The following LYSMD2 variants were observed in gnomAD, a reference collection of about 807,000 sequenced individuals.
LYSMD2 encodes lysM and putative peptidoglycan-binding domain-containing protein 2.
A neutral mutation model predicts 17.7 loss-of-function variants in LYSMD2; 6 were observed. The observed-to-expected ratio is 0.34, with a 90% CI of 0.19 to 0.67. LYSMD2 has a LOEUF of 0.67. Among genes scored for constraint, LYSMD2 ranks in the 30% least tolerant of loss-of-function variants. LYSMD2 has a pLI of 0.69. For missense variants in LYSMD2, 237 were observed against 286.7 expected (o/e 0.83, Z 1.25); for synonymous variants, 102 against 129.8 (o/e 0.79, Z 1.45).
intron 1 of LYSMD2, among the ~76,000 whole-genome samples, chr15:51,734,165 A>G (rs2055594582): frequency 6.6e-6 from 1 of 152,188 alleles, no homozygotes; most frequent in African/African-American, 2.4e-5. Flanking sequence ...CCAGGGTGAC[A>G]AAGTGAGCCT....
intron 1 of LYSMD2, among the ~76,000 whole-genome samples, chr15:51,728,787 T>C (rs1815638532): frequency 6.6e-6 from 1 of 152,002 alleles, no homozygotes; most frequent in African/African-American, 2.4e-5. Flanking sequence ...GAAGAATCGC[T>C]TGAACCTGGG....
intron 1 of LYSMD2, among the ~76,000 whole-genome samples, chr15:51,746,554 T>C (rs2055668467): frequency 6.6e-6 from 1 of 152,204 alleles, no homozygotes; most frequent in African/African-American, 2.4e-5. Context: ...CACAACTCTG[T>C]GAATATACTA....
At chr15:51,733,830 T>C (rs1358086437) in intron 1 of LYSMD2, among the ~76,000 whole-genome samples, 1 of 152,046 alleles carries the variant, frequency 6.6e-6, no homozygotes, top group Admixed American at 6.6e-5. Context: ...GAACAGCAAG[T>C]GCAAGAACCC....
chr15:51,735,074 C>G (rs1025530618), intron 1 of LYSMD2, among the ~76,000 whole-genome samples: 2 of 151,628 alleles, frequency 1.3e-5, no homozygotes, highest in East Asian at 1.9e-4. Flanking sequence ...CTCAGGAGGC[C>G]GAGGTGGGAA....
intron 1 of LYSMD2, among the ~76,000 whole-genome samples, chr15:51,747,969 C>G (rs1354492475): frequency 6.6e-6 from 1 of 152,082 alleles, no homozygotes; most frequent in African/African-American, 2.4e-5. Context: ...GTATTATTAT[C>G]CTCAGTTTAA....
intron 2 of LYSMD2, 100 bp from the exon 3 acceptor site, chr15:51,723,749 T>C (rs1453778745): frequency 9.5e-6 from 8 of 843,520 alleles, no homozygotes; most frequent in Admixed American, 2.8e-5. Context: ...AAAGAAGGAA[T>C]ATATCAACTT....
At position 51,737,464 on chromosome 15, in the gene LYSMD2, G is replaced by A. The variant is rs1221107526; in HGVS notation, c.159C>T (p.Gly53=). 1.4e-6 allele frequency: 2 copies of A among 1,424,060 alleles called. No homozygotes were observed. The highest frequency in any genetic ancestry group is 2.8e-5 in the South Asian group (2 of 71,772). 88.2% of individuals were successfully genotyped at this position (1,424,060 alleles called of 1,614,324 possible). A position where few individuals can be genotyped will look rare whatever the true frequency, so the allele number is the denominator to read the frequency against. ...SLARTKTRSY[G]STASVRAPLG... is the part of the protein sequence containing the mutation. ...GCGGCGCCCGCACGCTGGCGGTGCT[G>A]CCGTACGAGCGGGTCTTGGTGCGGG... The change falls in exon 1 of 3, where the codon GGC becomes GGT. Residue 53 remains glycine (G), a synonymous_variant. Transcript: ENST00000267838. The surrounding 1 kb of genome is among the most constrained non-coding windows in gnomAD (Gnocchi z 4.2).
At chr15:51,745,419 TC>T (rs2055662437) in intron 1 of LYSMD2, among the ~76,000 whole-genome samples, 1 of 152,162 alleles carries the variant, frequency 6.6e-6, no homozygotes, top group Non-Finnish European at 1.5e-5. Context: ...CTGGGATTTA[TC>T]CCAGGAATTA....
intron 1 of LYSMD2, among the ~76,000 whole-genome samples, chr15:51,725,463 TC>T (rs2055533044): frequency 6.6e-6 from 1 of 152,212 alleles, no homozygotes; most frequent in Non-Finnish European, 1.5e-5. Context: ...TTTTAACATT[TC>T]TATTATCTGA....
rs1356901118 is a variant in LYSMD2, at chr15:51,724,997, G to A, written c.398C>T (p.Ser133Phe). The part of the protein sequence containing the change: ...LLFNGLNSID[S>F]PENETADNSF... ...GTTATCAGCAGTTTCATTTTCTGGA[G>A]AATCAATGGAGTTAAGTCCATTAAA... Residue 133 changes from serine (S) to phenylalanine (F), a missense_variant, in exon 2 of 3, where the codon TCT becomes TTT. Ser to Phe is a radical substitution (Grantham distance 155, BLOSUM62 -2). Coordinates refer to ENST00000267838, the MANE Select transcript of LYSMD2 (RefSeq NM_153374.3). 6.2e-7 allele frequency: 1 copy of A among 1,614,010 alleles called. No homozygotes were observed. The highest frequency in any genetic ancestry group is 2.2e-5 in the East Asian group (1 of 44,894).
At position 51,726,912 on chromosome 15, in the gene LYSMD2, T is replaced by A. The variant is rs533946852; in HGVS notation, c.274-1791A>T. 1.4e-4 allele frequency among the ~76,000 whole-genome samples: 21 copies of A among 152,310 alleles called. No homozygotes were observed. In the South Asian group the frequency reaches 1.4e-3, roughly 11 times the overall value. On this transcript the variant is annotated intron_variant, in intron 1 of 2. Transcript: ENST00000267838. ...AATAATGATGGAAGACAGAAACAGA[T>A]GGGACCAGGATCCAAACTGCTGAGC...
chr15:51,742,490 A>G (rs182897166), upstream of LYSMD2, among the ~76,000 whole-genome samples: 1 of 152,264 alleles, frequency 6.6e-6, no homozygotes, highest in Non-Finnish European at 1.5e-5. Flanking sequence ...AATGTTTTCA[A>G]GTTTCATCCA....
chr15:51,750,577 G>C (rs1391946191), intron 1 of LYSMD2, among the ~76,000 whole-genome samples: 1 of 152,168 alleles, frequency 6.6e-6, no homozygotes, highest in African/African-American at 2.4e-5. Flanking sequence ...GCCAAGATAA[G>C]TCCCATAAGC....
rs2055538494 is a variant in LYSMD2, at chr15:51,726,094, TG to T, written c.274-974del. Among the ~76,000 whole-genome samples the T allele has an allele frequency of 2.0e-5, 3 of 152,364 alleles. No individual in the cohort carries two copies. In the South Asian group the frequency reaches 6.2e-4, roughly 32 times the overall value. On this transcript the variant is annotated intron_variant, in intron 1 of 2. Transcript: ENST00000267838. ...CTGTTCATCCTGCTTTGTTATAAGC[TG>T]ATTCCATGCAAATAGTACATGTAAA...
At chr15:51,735,625 G>A (rs561166224) in intron 1 of LYSMD2, among the ~76,000 whole-genome samples, 2 of 152,286 alleles carry the variant, frequency 1.3e-5, no homozygotes, top group South Asian at 2.1e-4. Flanking sequence ...TAAAAGCAAC[G>A]AAAAATCTGA....
chr15:51,732,972 T>G (rs1308483182), intron 1 of LYSMD2, among the ~76,000 whole-genome samples: 1 of 152,256 alleles, frequency 6.6e-6, no homozygotes, highest in African/African-American at 2.4e-5. Flanking sequence ...TATGTCACTC[T>G]TCGGCTCAAA....
chr15:51,747,707 G>C (rs540140638), intron 1 of LYSMD2, among the ~76,000 whole-genome samples: 1 of 152,240 alleles, frequency 6.6e-6, no homozygotes, highest in East Asian at 1.9e-4. Context: ...TGAAGAATCA[G>C]TTGTTTGTCA....
chr15:51,737,294 C>A lies in LYSMD2; in HGVS notation c.273+56G>T. 7.8e-7 allele frequency: 1 copy of A among 1,275,762 alleles called. No homozygotes were observed. Among genetic ancestry groups the A allele is most frequent in the South Asian group, 2.3e-5 (1 of 42,830 alleles). The allele number at this position is 1,275,762 out of a possible 1,614,324, so 79.0% of individuals were successfully genotyped here. A position where few individuals can be genotyped will look rare whatever the true frequency, so the allele number is the denominator to read the frequency against. On this transcript the variant is annotated intron_variant, in intron 1 of 2. Coordinates refer to ENST00000267838, the MANE Select transcript of LYSMD2 (RefSeq NM_153374.3). The surrounding 1 kb of genome is among the most constrained non-coding windows in gnomAD (Gnocchi z 4.2). ...CCCACCCCCACCGCACCCCGAGCCG[C>A]ACCGCCTCCTGCGCGGTAGCTGCCA...
At chr15:51,730,878 G>A (rs1296919000) in intron 1 of LYSMD2, among the ~76,000 whole-genome samples, 10 of 152,090 alleles carry the variant, frequency 6.6e-5, no homozygotes, top group African/African-American at 2.2e-4. Context: ...AAGATTCACC[G>A]CCACATCTGT....
Sources: allele counts gnomAD v4.1 joint callset (sites outside exome capture counted in the v4.1 genomes callset), GRCh38; gene constraint gnomAD v4.1.1; non-coding constraint Gnocchi (gnomAD v3.1); transcripts MANE v1.5; gene names NCBI Gene and HGNC (gene_info 2026-07-23, HGNC 2026-07-21).